Variants in SLC1A1 observed in about 807,000 individuals in gnomAD.
The protein encoded by SLC1A1 is solute carrier family 1 member 1.
SLC1A1 carries 43 observed loss-of-function variants against 53.3 expected under a neutral mutation model. The ratio of observed to expected loss-of-function variants is 0.81; its 90% CI spans 0.63 to 1.04. The LOEUF (loss-of-function observed/expected upper bound fraction) is 1.04. Ranked by LOEUF, SLC1A1 falls within the 50% of genes least tolerant of loss-of-function variation. The probability of loss-of-function intolerance (pLI) is 0.00; values close to 1 mark genes in which losing one functional copy is unlikely to be tolerated. For synonymous variants in SLC1A1, 307 were observed against 243.2 expected (o/e 1.26, Z -2.44); for missense variants, 748 against 664.9 (o/e 1.12, Z -1.37).
rs137891955 is a variant in SLC1A1, at chr9:4,504,239, T to G, written c.91+13469T>G. 3.9e-5 allele frequency among the ~76,000 whole-genome samples: 6 copies of G among 152,336 alleles called. No individual in the cohort carries two copies. The East Asian group carries it at 9.6e-4, about 24-fold the overall frequency. On this transcript the variant is annotated intron_variant, in intron 1 of 11. Transcript: ENST00000262352. ...CTACAGCTTGGCACTGAATCAACCC[T>G]GGATGGTAGAGCCTTTTCAGCTACG... is the stretch of plus-strand genomic sequence containing the variant.
intron 5 of SLC1A1, among the ~76,000 whole-genome samples, chr9:4,566,660 C>A (rs1819512776): frequency 6.6e-6 from 1 of 151,776 alleles, no homozygotes. Flanking sequence ...CTAGCCTGGG[C>A]AACATGGCAA....
intron 1 of SLC1A1, among the ~76,000 whole-genome samples, chr9:4,523,858 A>G (rs1013371140): frequency 2.6e-5 from 4 of 152,218 alleles, no homozygotes; most frequent in African/African-American, 9.6e-5. Context: ...ACAGAGGCAC[A>G]GGCTACAGGG....
intron 7 of SLC1A1, among the ~76,000 whole-genome samples, chr9:4,572,650 C>T (rs150898011): frequency 0.017 from 2,591 of 152,272 alleles, 77 homozygotes; most frequent in African/African-American, 0.059. Flanking sequence ...TGTGCTCAAG[C>T]GATCCTCCCG....
intron 1 of SLC1A1, among the ~76,000 whole-genome samples, chr9:4,516,247 G>A (rs1036519772): frequency 6.6e-6 from 1 of 152,158 alleles, no homozygotes; most frequent in Non-Finnish European, 1.5e-5. Context: ...GAACGGGCCT[G>A]AACATTTGAA....
At chr9:4,530,550 A>T (rs1006200436) in intron 1 of SLC1A1, among the ~76,000 whole-genome samples, 1 of 152,156 alleles carries the variant, frequency 6.6e-6, no homozygotes, top group African/African-American at 2.4e-5. Flanking sequence ...ACCAAAATCA[A>T]CTTTTCTTCT....
At chr9:4,494,805 G>T (rs1220734119) in intron 1 of SLC1A1, among the ~76,000 whole-genome samples, 2 of 152,012 alleles carry the variant, frequency 1.3e-5, no homozygotes, top group Admixed American at 6.6e-5. Flanking sequence ...ATATGATGTT[G>T]TTAAGGCACT....
intron 1 of SLC1A1, among the ~76,000 whole-genome samples, chr9:4,519,588 T>A (rs1186667181): frequency 6.6e-6 from 1 of 152,226 alleles, no homozygotes; most frequent in African/African-American, 2.4e-5. Context: ...AAATATTTAT[T>A]GAGCCTTCCT....
intron 1 of SLC1A1, among the ~76,000 whole-genome samples, chr9:4,493,962 T>G (rs1449131264): frequency 3.3e-5 from 5 of 152,330 alleles, no homozygotes; most frequent in African/African-American, 1.2e-4. Flanking sequence ...TGCTAAGAAC[T>G]AAACATTTCT....
At chr9:4,550,037 C>A (rs1451558387) in intron 2 of SLC1A1, among the ~76,000 whole-genome samples, 1 of 152,190 alleles carries the variant, frequency 6.6e-6, no homozygotes, top group Non-Finnish European at 1.5e-5. Flanking sequence ...AAGCAGATAT[C>A]AAGCCAAGAA....
At chr9:4,526,252 C>T (rs1158625859) in intron 1 of SLC1A1, among the ~76,000 whole-genome samples, 1 of 152,034 alleles carries the variant, frequency 6.6e-6, no homozygotes, top group African/African-American at 2.4e-5. Context: ...TAGATAAGAG[C>T]AGAATTTAGA....
At position 4,583,882 on chromosome 9, in the gene SLC1A1, T is replaced by TCTCTCTCACACA. The variant is rs1423949414; in HGVS notation, c.1328+711_1328+712insTCTCTCACACAC. Among the ~76,000 whole-genome samples the TCTCTCTCACACA allele has an allele frequency of 7.3e-6, 1 of 136,966 alleles. No individual in the cohort carries two copies. Among genetic ancestry groups the TCTCTCTCACACA allele is most frequent in the African/African-American group, 2.8e-5 (1 of 35,264 alleles). The allele number at this position is 136,966 out of a possible 152,430, so 89.9% of individuals were successfully genotyped here. On this transcript the variant is annotated intron_variant, in intron 11 of 11. Coordinates refer to ENST00000262352, the MANE Select transcript of SLC1A1 (RefSeq NM_004170.6). The surrounding 1 kb of genome is among the most constrained non-coding windows in gnomAD (Gnocchi z 4.6). ...CTCTCTCTCTCTCTCTCTCTCTCTC[T>TCTCTCTCACACA]CACACACACACACACACACACACAC...
At chr9:4,557,430 C>A (rs1198633349) in intron 2 of SLC1A1, among the ~76,000 whole-genome samples, 1 of 152,150 alleles carries the variant, frequency 6.6e-6, no homozygotes, top group Non-Finnish European at 1.5e-5. Flanking sequence ...CTGGTAGGGT[C>A]TAGAGAGATT....
At chr9:4,492,096 T>C (rs1820255995) in intron 1 of SLC1A1, among the ~76,000 whole-genome samples, 1 of 152,062 alleles carries the variant, frequency 6.6e-6, no homozygotes, top group South Asian at 2.1e-4. Flanking sequence ...AGGAGAGAAG[T>C]ACAGAAGCAA....
chr9:4,572,448 TAGAA>T (rs1012706488), intron 7 of SLC1A1, 60 bp downstream of exon 7: 4 of 1,425,734 alleles, frequency 2.8e-6, no homozygotes, highest in African/African-American at 1.4e-5. Flanking sequence ...TCCTCAAAAT[TAGAA>T]AGAAGAGGTT....
intron 1 of SLC1A1, among the ~76,000 whole-genome samples, chr9:4,504,922 G>T (rs1327508666): frequency 6.6e-6 from 1 of 152,046 alleles, no homozygotes; most frequent in Non-Finnish European, 1.5e-5. Context: ...ACCAAAACAA[G>T]TGGTAAATAA....
At chr9:4,513,200 T>G (rs1821053086) in intron 1 of SLC1A1, among the ~76,000 whole-genome samples, 1 of 152,172 alleles carries the variant, frequency 6.6e-6, no homozygotes, top group Non-Finnish European at 1.5e-5. Context: ...AAAAAATTGG[T>G]AAGTTGGACT....
chr9:4,538,698 A>G (rs942938414), intron 1 of SLC1A1, among the ~76,000 whole-genome samples: 1 of 152,234 alleles, frequency 6.6e-6, no homozygotes, highest in Admixed American at 6.5e-5. Context: ...TAAAAGCTTT[A>G]TGGACTCCAG....
chr9:4,566,428 C>G (rs1165064050), intron 5 of SLC1A1, among the ~76,000 whole-genome samples: 2 of 152,206 alleles, frequency 1.3e-5, no homozygotes, highest in African/African-American at 4.8e-5. Flanking sequence ...TATATTTGTA[C>G]TGAAGTTTAA....
At chr9:4,491,821 G>A (rs942368033) in intron 1 of SLC1A1, among the ~76,000 whole-genome samples, 1 of 152,172 alleles carries the variant, frequency 6.6e-6, no homozygotes, top group Non-Finnish European at 1.5e-5. Context: ...AAGGCAAGTG[G>A]GGACAGCTTG....
Sources: allele counts gnomAD v4.1 joint callset (sites outside exome capture counted in the v4.1 genomes callset), GRCh38; gene constraint gnomAD v4.1.1; non-coding constraint Gnocchi (gnomAD v3.1); transcripts MANE v1.5; gene names NCBI Gene and HGNC (gene_info 2026-07-23, HGNC 2026-07-21).